ERBB4: variants seen among roughly 807,000 people sequenced by gnomAD.
The protein encoded by ERBB4 is receptor tyrosine-protein kinase erbB-4.
A neutral mutation model predicts 158.0 loss-of-function variants in ERBB4; 42 were observed. That is an observed-to-expected ratio of 0.27 (90% CI 0.21 to 0.34). The LOEUF (loss-of-function observed/expected upper bound fraction) is 0.34, where lower values mean the gene tolerates loss of function less well. Among genes scored for constraint, ERBB4 ranks in the 10% least tolerant of loss-of-function variants. The pLI is 1.00. For missense variants in ERBB4, 1,333 were observed against 1,624.1 expected, an observed-to-expected ratio of 0.82 and a Z score of 3.08; for synonymous variants, 583 against 558.7, an observed-to-expected ratio of 1.04 and a Z score of -0.61.
At chr2:211,525,042 A>G (rs1424596691) in intron 20 of ERBB4, among the ~76,000 whole-genome samples, 1 of 152,196 alleles carries the variant, frequency 6.6e-6, no homozygotes, top group Admixed American at 6.5e-5. Flanking sequence ...CCTAGTGGCC[A>G]GAAGTTGCAT....
chr2:211,581,423 T>C (rs1223512507), intron 19 of ERBB4, among the ~76,000 whole-genome samples: 1 of 152,048 alleles, frequency 6.6e-6, no homozygotes, highest in African/African-American at 2.4e-5. Flanking sequence ...AAGATAATTA[T>C]CACAAAATAT....
intron 1 of ERBB4, among the ~76,000 whole-genome samples, chr2:212,376,186 G>A (rs2090315306): frequency 6.6e-6 from 1 of 152,018 alleles, no homozygotes; most frequent in East Asian, 1.9e-4. Context: ...CAGATCAGCT[G>A]CAGAAAAGAG....
chr2:211,874,662 T>C (rs1274482007), intron 3 of ERBB4, among the ~76,000 whole-genome samples: 1 of 152,090 alleles, frequency 6.6e-6, no homozygotes, highest in African/African-American at 2.4e-5. Flanking sequence ...TGGAGTTCTT[T>C]CCTATTGTGA....
chr2:211,430,142 T>A (rs2063718541), intron 21 of ERBB4, among the ~76,000 whole-genome samples: 1 of 152,148 alleles, frequency 6.6e-6, no homozygotes, highest in Non-Finnish European at 1.5e-5. Flanking sequence ...ATATGATAAA[T>A]AAGGCATATA....
chr2:211,461,330 C>A (rs1026165075), intron 20 of ERBB4, among the ~76,000 whole-genome samples: 1 of 151,768 alleles, frequency 6.6e-6, no homozygotes, highest in Non-Finnish European at 1.5e-5. Context: ...TGAAAGAAAT[C>A]GGAGCTGATT....
At chr2:211,638,245 G>A (rs889720757) in intron 16 of ERBB4, among the ~76,000 whole-genome samples, 1 of 151,770 alleles carries the variant, frequency 6.6e-6, no homozygotes, top group African/African-American at 2.4e-5. Flanking sequence ...AGTACCTATT[G>A]TACTGCTACT....
chr2:211,483,300 G>A (rs980896729), intron 20 of ERBB4, among the ~76,000 whole-genome samples: 8 of 151,934 alleles, frequency 5.3e-5, no homozygotes, highest in African/African-American at 1.9e-4. Context: ...AAGAAATCAT[G>A]TTCAAACATT....
At chr2:212,227,410 G>T (rs1208805433) in intron 1 of ERBB4, among the ~76,000 whole-genome samples, 1 of 152,034 alleles carries the variant, frequency 6.6e-6, no homozygotes, top group Non-Finnish European at 1.5e-5. Flanking sequence ...CAGAAAAGGG[G>T]ATATATGACG....
At chr2:212,023,415 A>G (rs900391415) in intron 2 of ERBB4, among the ~76,000 whole-genome samples, 5 of 152,092 alleles carry the variant, frequency 3.3e-5, no homozygotes, top group Non-Finnish European at 7.4e-5. Flanking sequence ...TCTCTTAAGA[A>G]TGCACTAGCC....
intron 19 of ERBB4, among the ~76,000 whole-genome samples, chr2:211,564,964 T>C (rs778548005): frequency 1.3e-5 from 2 of 151,998 alleles, no homozygotes; most frequent in African/African-American, 2.4e-5. Flanking sequence ...AAAACTAAGC[T>C]AAAGTAAAAA....
rs767056723 is a variant in ERBB4 at position 212,459,198 on chromosome 2, GT to G, written c.82+79250del. On this transcript the variant is annotated intron_variant, in intron 1 of 27. Coordinates refer to ENST00000342788, the MANE Select transcript of ERBB4 (RefSeq NM_005235.3). ...ATAATTAGTTTGTACTCTTTGAGTT[GT>G]TTTTTTTTATTTTATAGTATTAGAT... Among the ~76,000 whole-genome samples, 197 of 150,828 alleles carry G rather than the reference GT, an allele frequency of 1.3e-3. 2 individuals are homozygous for G. The East Asian group carries it at 0.031, about 24-fold the overall frequency.
intron 2 of ERBB4, among the ~76,000 whole-genome samples, chr2:212,123,273 T>C (rs2079814912): frequency 6.6e-6 from 1 of 152,046 alleles, no homozygotes; most frequent in African/African-American, 2.4e-5. Context: ...CGTGGCGGCA[T>C]GCGCCTGTAA....
intron 1 of ERBB4, among the ~76,000 whole-genome samples, chr2:212,359,817 G>A (rs1048452467): frequency 1.3e-5 from 2 of 151,122 alleles, no homozygotes; most frequent in Admixed American, 6.6e-5. Context: ...AATTACATTC[G>A]CACATTTACC....
At chr2:211,550,700 A>G (rs2067067604) in intron 20 of ERBB4, among the ~76,000 whole-genome samples, 1 of 123,314 alleles carries the variant, frequency 8.1e-6, no homozygotes, top group Non-Finnish European at 1.6e-5. Flanking sequence ...ATAAGTATAT[A>G]TATAGGAATA....
intron 3 of ERBB4, among the ~76,000 whole-genome samples, chr2:211,791,771 C>T (rs1020622498): frequency 6.6e-6 from 1 of 151,780 alleles, no homozygotes; most frequent in Non-Finnish European, 1.5e-5. Context: ...TTAGACATGA[C>T]ATCGATGAAA....
chr2:211,905,666 A>C (rs2079363464), intron 3 of ERBB4, among the ~76,000 whole-genome samples: 1 of 125,728 alleles, frequency 8.0e-6, no homozygotes, highest in African/African-American at 3.2e-5. Flanking sequence ...ATATATATAT[A>C]TATATATATA....
chr2:211,629,045 G>A (rs1262998791), intron 17 of ERBB4, among the ~76,000 whole-genome samples: 6 of 151,854 alleles, frequency 4.0e-5, no homozygotes, highest in Non-Finnish European at 7.4e-5. Flanking sequence ...AAATTTGTTT[G>A]AGTTCATTTT....
intron 16 of ERBB4, among the ~76,000 whole-genome samples, chr2:211,631,666 T>C (rs2070138160): frequency 2.6e-5 from 4 of 152,192 alleles, no homozygotes; most frequent in African/African-American, 7.2e-5. Flanking sequence ...AGTAGAGCAG[T>C]ATCTCTGAAG....
At chr2:211,524,297 G>A (rs1201112316) in intron 20 of ERBB4, among the ~76,000 whole-genome samples, 1 of 152,178 alleles carries the variant, frequency 6.6e-6, no homozygotes, top group Non-Finnish European at 1.5e-5. Context: ...ACCAGACTCA[G>A]GAGCCCAGCT....
Sources: gnomAD v4.1 joint callset for allele counts (sites outside exome capture counted in the v4.1 genomes callset) on GRCh38, gnomAD v4.1.1 for gene constraint, MANE v1.5 for transcripts, NCBI Gene and HGNC (gene_info 2026-07-23, HGNC 2026-07-21) for gene names.